NUP50: variants seen among roughly 807,000 people sequenced by gnomAD.
NUP50 encodes nuclear pore complex protein Nup50.
NUP50 carries 14 observed loss-of-function variants against 36.8 expected under a neutral mutation model. The ratio of observed to expected loss-of-function variants is 0.38; its 90% CI spans 0.25 to 0.59. The LOEUF (loss-of-function observed/expected upper bound fraction) is 0.59, where lower values mean the gene tolerates loss of function less well. Ranked by LOEUF, NUP50 falls within the 20% of genes least tolerant of loss-of-function variation. NUP50 has a pLI of 0.63. For synonymous variants in NUP50, 195 were observed against 210.8 expected (o/e 0.93, Z 0.65); for missense variants, 455 against 564.6 (o/e 0.81, Z 1.97).
rs2083462212 is a variant in NUP50 at position 45,187,506 on chromosome 22, G to C, written c.*2851G>C. The C allele has an allele frequency of 6.6e-6, 1 of 151,816 alleles. No homozygotes were observed. Among genetic ancestry groups the C allele is most frequent in the Non-Finnish European group, 1.5e-5 (1 of 67,964 alleles). 9.4% of individuals were successfully genotyped at this position (151,816 alleles called of 1,614,324 possible). A position where few individuals can be genotyped will look rare whatever the true frequency, so the allele number is the denominator to read the frequency against. On this transcript the variant is annotated 3_prime_UTR_variant, in exon 8 of 8. Coordinates refer to ENST00000347635, the MANE Select transcript of NUP50 (RefSeq NM_007172.4). ...ACCTTACTAGTAGAGTTCAAAACAA[G>C]TTTTCACTGAGAGCCTTTTCAGTAA...
rs1407063761 is a variant in NUP50, at chr22:45,175,995, G to A, written c.255G>A (p.Leu85=). The A allele has an allele frequency of 1.2e-6, 2 of 1,614,158 alleles. No individual in the cohort carries two copies. Among genetic ancestry groups the A allele is most frequent in the African/African-American group, 1.3e-5 (1 of 75,022 alleles). Residue 85 remains leucine (L), a synonymous_variant, in exon 4 of 8, where the codon TTG becomes TTA. Coordinates refer to ENST00000347635, the MANE Select transcript of NUP50 (RefSeq NM_007172.4). The part of the protein sequence containing the change: ...GFGSGAGGKP[L]EGLSNGNNIT... ...GTAGTGGCGCTGGAGGGAAGCCTTT[G>A]GAAGGACTGTCGAATGGAAACAACA...
chr22:45,178,690 G>A lies in NUP50; in HGVS notation c.793G>A (p.Gly265Arg). The change falls in exon 5 of 8, where the codon GGA becomes AGA. Residue 265 changes from glycine to arginine, a missense_variant. Around this residue, in one of 3 missense-constraint regions of NUP50, gnomAD observed 287 missense variants for 345.5 expected, o/e 0.83. Coordinates refer to ENST00000347635, the MANE Select transcript of NUP50 (RefSeq NM_007172.4). ...SEKKTDPSSL[G>R]ATSASFNFGK... Reference sequence around the variant, plus strand: ...AAAGAAAACGGACCCATCATCACTAGGAGCGACAAGTGCCTCATTTAATTT... The same window carrying A: ...AAAGAAAACGGACCCATCATCACTAAGAGCGACAAGTGCCTCATTTAATTT... The A allele has an allele frequency of 6.2e-7, 1 of 1,612,236 alleles. No homozygotes were observed.
intron 1 of NUP50, among the ~76,000 whole-genome samples, chr22:45,167,855 A>C (rs1020814070): frequency 6.6e-5 from 10 of 152,236 alleles, no homozygotes; most frequent in Non-Finnish European, 1.2e-4. Flanking sequence ...TTCAGATTCC[A>C]GATTTTTAAA....
chr22:45,184,176 C>T (rs190807295), intron 7 of NUP50: 13 of 451,588 alleles, frequency 2.9e-5, no homozygotes, highest in South Asian at 1.7e-4. Flanking sequence ...AGAGGGCTGA[C>T]GGTTCTGAGC....
chr22:45,174,436 C>A (rs934473637), intron 3 of NUP50, among the ~76,000 whole-genome samples: 1 of 152,096 alleles, frequency 6.6e-6, no homozygotes, highest in African/African-American at 2.4e-5. Flanking sequence ...CTCGGCCTCC[C>A]AAAGTACTGG....
At chr22:45,183,667 G>A (rs2074419693) in intron 7 of NUP50, 147 bp downstream of exon 7, 4 of 637,112 alleles carry the variant, frequency 6.3e-6, no homozygotes, top group Admixed American at 5.1e-5. Context: ...ATAGTTTTGA[G>A]TCCCAGGATA....
intron 4 of NUP50, among the ~76,000 whole-genome samples, chr22:45,177,184 C>T (rs2074289487): frequency 6.6e-6 from 1 of 152,026 alleles, no homozygotes; most frequent in African/African-American, 2.4e-5. Flanking sequence ...TTTCTCATCC[C>T]CAGAGTACTG....
Position 45,178,732 on chromosome 22 carries a change from A to G in NUP50, c.835A>G (p.Ser279Gly). The G allele has an allele frequency of 6.2e-7, 1 of 1,613,648 alleles. No homozygotes were observed. Among genetic ancestry groups the G allele is most frequent in the Non-Finnish European group, 8.5e-7 (1 of 1,179,884 alleles). ...ATTTAATTTCGGCAAGAAAGTTGAT[A>G]GCTCTGTTTTGGGCTCATTAAGCTC... ...ASFNFGKKVDSSVLGSLSSVP... is the reference protein window; with the variant it reads ...ASFNFGKKVDGSVLGSLSSVP... The change falls in exon 5 of 8, where the codon AGC becomes GGC. Residue 279 changes from serine (S) to glycine (G), a missense_variant. This residue lies in a region of NUP50 where 287 missense variants were observed against 345.5 expected (regional missense o/e 0.83). Transcript: ENST00000347635.
Position 45,178,239 on chromosome 22 carries a change from T to C in NUP50, c.342T>C (p.Gly114=). The C allele has an allele frequency of 1.9e-6, 3 of 1,611,220 alleles. No individual in the cohort carries two copies. The highest frequency in any genetic ancestry group is 2.5e-6 in the Non-Finnish European group (3 of 1,178,432). Residue 114 remains glycine (G), a splice_region_variant and synonymous_variant, in exon 5 of 8, where the codon GGT becomes GGC. Transcript: ENST00000347635. ...KAAADPKVAF[G]SLAANGPTTL... ...GGTTCAATTATTAACTTTCTATAGG[T>C]TCTCTTGCTGCAAATGGCCCTACCA...
At chr22:45,171,543 G>T (rs1358978498) in intron 2 of NUP50, 57 bp from the exon 3 acceptor site, 2 of 1,450,532 alleles carry the variant, frequency 1.4e-6, no homozygotes, top group African/African-American at 1.4e-5. Context: ...TGTTGTTGAG[G>T]ATTTTGTCAT....
rs1270877888 is a variant in NUP50 at position 45,168,249 on chromosome 22, A to G, written c.69+3A>G. On this transcript the variant is annotated splice_donor_region_variant and intron_variant, in intron 2 of 7. Coordinates refer to ENST00000347635, the MANE Select transcript of NUP50 (RefSeq NM_007172.4). ...ATCAAGAAGATGAAGCTGAAGAGGT[A>G]AAAAGCAGCTTCCCTAAGAATGATT... 1 of 1,601,068 alleles carries G rather than the reference A, an allele frequency of 6.2e-7. No individual in the cohort carries two copies. The highest frequency in any genetic ancestry group is 1.8e-5 in the Admixed American group (1 of 57,094).
At chr22:45,182,659 C>CTGTCACCCAGGCTGGAG (rs1254575847) in intron 6 of NUP50, among the ~76,000 whole-genome samples, 8 of 93,974 alleles carry the variant, frequency 8.5e-5, no homozygotes, top group Non-Finnish European at 1.9e-5. Flanking sequence ...GAGTCTCTTT[C>CTGTCACCCAGGCTGGAG]TGTCACCCAG....
chr22:45,167,025 T>C (rs1169057741), intron 1 of NUP50, among the ~76,000 whole-genome samples: 1 of 152,198 alleles, frequency 6.6e-6, no homozygotes, highest in East Asian at 1.9e-4. Flanking sequence ...TGCATTTTAC[T>C]TTTAGATACT....
At chr22:45,180,039 G>A (rs1172958961) in intron 5 of NUP50, among the ~76,000 whole-genome samples, 2 of 152,148 alleles carry the variant, frequency 1.3e-5, no homozygotes, top group Non-Finnish European at 2.9e-5. Context: ...ATATCCTCAG[G>A]CACGGGCCCT....
chr22:45,171,083 G>A, intron 2 of NUP50: 2 of 1,298,870 alleles, frequency 1.5e-6, no homozygotes, highest in Non-Finnish European at 2.0e-6. Flanking sequence ...TGAGCGCACT[G>A]TGGAAGAGCA....
At chr22:45,182,694 G>A (rs1270457021) in intron 6 of NUP50, among the ~76,000 whole-genome samples, 1 of 126,974 alleles carries the variant, frequency 7.9e-6, no homozygotes, top group Non-Finnish European at 1.6e-5. Flanking sequence ...GCACAATCTC[G>A]GCTCACTGCA....
chr22:45,164,538 C>T (rs1270914875), intron 1 of NUP50: 4 of 152,290 alleles, frequency 2.6e-5, no homozygotes, highest in South Asian at 1.9e-4. Flanking sequence ...GAGGACGGGA[C>T]CCTGGGAAGT....
chr22:45,177,299 G>C (rs578034826), intron 4 of NUP50, among the ~76,000 whole-genome samples: 7 of 152,296 alleles, frequency 4.6e-5, no homozygotes, highest in African/African-American at 1.7e-4. Context: ...TCCCCCATCA[G>C]CCTCCCCAGT....
At chr22:45,170,144 T>TC (rs2147670564) in intron 2 of NUP50, among the ~76,000 whole-genome samples, 1 of 152,088 alleles carries the variant, frequency 6.6e-6, no homozygotes, top group South Asian at 2.1e-4. Flanking sequence ...ACCTTGTCAA[T>TC]CCCCTGGACG....
Sources: allele counts gnomAD v4.1 joint callset (sites outside exome capture counted in the v4.1 genomes callset), GRCh38; gene constraint gnomAD v4.1.1; regional missense constraint gnomAD v4.1.1; transcripts MANE v1.5; gene names NCBI Gene and HGNC (gene_info 2026-07-23, HGNC 2026-07-21).